PIAS1: variants seen among roughly 807,000 people sequenced by gnomAD.
PIAS1 encodes the protein protein inhibitor of activated STAT 1.
In PIAS1, 6 loss-of-function variants were observed where a neutral mutation model predicts 71.3. The ratio of observed to expected loss-of-function variants is 0.08; its 90% CI spans 0.05 to 0.17. PIAS1 has a LOEUF of 0.17. Among genes scored for constraint, PIAS1 ranks in the 10% least tolerant of loss-of-function variants. PIAS1 has a pLI of 1.00. For synonymous variants in PIAS1, 303 were observed against 292.9 expected, an observed-to-expected ratio of 1.03 and a Z score of -0.35; for missense variants, 555 against 793.6, an observed-to-expected ratio of 0.70 and a Z score of 3.61.
chr15:68,147,350 G>T (rs991750385), intron 6 of PIAS1, among the ~76,000 whole-genome samples: 1 of 151,978 alleles, frequency 6.6e-6, no homozygotes, highest in Non-Finnish European at 1.5e-5. Flanking sequence ...CATTATTACT[G>T]AGATTGAATA....
chr15:68,142,022 T>A lies in PIAS1; in HGVS notation c.546T>A (p.Ser182Arg). The A allele has an allele frequency of 6.3e-7, 1 of 1,596,886 alleles. No individual in the cohort carries two copies. The highest frequency in any genetic ancestry group is 8.6e-7 in the Non-Finnish European group (1 of 1,169,414). ...CACCACAACAAGTGCAGCAAATCAG[T>A]AGTTCCATGTAAGTTGTCGTCAAGT... ...ALTPQQVQQI[S>R]SSMDISGTKC... Residue 182 changes from serine to arginine, a missense_variant, in exon 3 of 14, where the codon AGT becomes AGA. Ser to Arg is a moderately radical substitution (Grantham distance 110). Transcript: ENST00000249636.
At chr15:68,183,806 A>G (rs531887641) in intron 13 of PIAS1, 139 bp downstream of exon 13, 59 of 533,076 alleles carry the variant, frequency 1.1e-4, no homozygotes, top group Admixed American at 1.7e-4. Flanking sequence ...CCCTACATCA[A>G]TTATAGCCAT....
At chr15:68,077,856 T>A (rs2092186068) in intron 1 of PIAS1, among the ~76,000 whole-genome samples, 1 of 152,236 alleles carries the variant, frequency 6.6e-6, no homozygotes, top group African/African-American at 2.4e-5. Context: ...ACCACCCCTC[T>A]AGGACTTTTC....
At chr15:68,103,683 A>G (rs1435561288) in intron 2 of PIAS1, among the ~76,000 whole-genome samples, 1 of 152,196 alleles carries the variant, frequency 6.6e-6, no homozygotes, top group East Asian at 1.9e-4. Context: ...TGTTTTGGAC[A>G]TCTCATATGA....
At chr15:68,069,819 AAAAG>A (rs1316720113) in intron 1 of PIAS1, among the ~76,000 whole-genome samples, 1 of 151,936 alleles carries the variant, frequency 6.6e-6, no homozygotes, top group South Asian at 2.1e-4. Context: ...AAAAAAAAAA[AAAAG>A]AAATTACATT....
In PIAS1 at chr15:68,097,817, C is replaced by A. The variant is rs139429148; in HGVS notation, c.469+11067C>A. Among the ~76,000 whole-genome samples the A allele has an allele frequency of 2.7e-4, 41 of 152,274 alleles. 2 individuals carry two copies. The East Asian group carries it at 3.3e-3, about 12-fold the overall frequency. On this transcript the variant is annotated intron_variant, in intron 2 of 13. Coordinates refer to ENST00000249636, the MANE Select transcript of PIAS1 (RefSeq NM_016166.3). ...TCCCATTATTCTATTAATATGGTGT[C>A]TAACACTGATTGCTTTTCATATATT...
At chr15:68,085,904 C>T (rs542728714) in intron 1 of PIAS1, among the ~76,000 whole-genome samples, 5 of 152,134 alleles carry the variant, frequency 3.3e-5, no homozygotes, top group African/African-American at 4.8e-5. Context: ...TATAATTCTT[C>T]CCCAAGAAAA....
intron 1 of PIAS1, among the ~76,000 whole-genome samples, chr15:68,068,186 G>A (rs1021613935): frequency 2.6e-5 from 4 of 152,056 alleles, no homozygotes; most frequent in Non-Finnish European, 5.9e-5. Flanking sequence ...CAGCCTGGGC[G>A]ATATGACAAA....
At chr15:68,076,404 G>C (rs1339997147) in intron 1 of PIAS1, among the ~76,000 whole-genome samples, 1 of 152,092 alleles carries the variant, frequency 6.6e-6, no homozygotes, top group African/African-American at 2.4e-5. Flanking sequence ...CTACTCGGGA[G>C]GCTGAGGCAG....
chr15:68,067,330 C>T (rs2092040456), intron 1 of PIAS1, among the ~76,000 whole-genome samples: 2 of 152,106 alleles, frequency 1.3e-5, no homozygotes, highest in Admixed American at 6.6e-5. Flanking sequence ...TTAGTATTCC[C>T]CTCTCTAGGC....
chr15:68,068,240 A>G (rs1173526881), intron 1 of PIAS1, among the ~76,000 whole-genome samples: 6 of 152,104 alleles, frequency 3.9e-5, no homozygotes, highest in Non-Finnish European at 5.9e-5. Context: ...TGGCTGAGGC[A>G]TGTGCCTGTG....
At chr15:68,121,840 T>C (rs2092615868) in intron 2 of PIAS1, among the ~76,000 whole-genome samples, 1 of 152,000 alleles carries the variant, frequency 6.6e-6, no homozygotes. Context: ...CTAAAAAACT[T>C]CAAGAGGCTG....
At chr15:68,166,206 T>G (rs2141080108) in intron 8 of PIAS1, among the ~76,000 whole-genome samples, 1 of 152,188 alleles carries the variant, frequency 6.6e-6, no homozygotes, top group East Asian at 1.9e-4. Flanking sequence ...ATAAAGCCAA[T>G]TTTTTTCTTG....
In PIAS1 at chr15:68,189,382, C is replaced by T. The variant is rs1212971736; in HGVS notation, c.*1547C>T. 6.6e-6 allele frequency: 1 copy of T among 152,038 alleles called. No homozygotes were observed. Among genetic ancestry groups the T allele is most frequent in the Non-Finnish European group, 1.5e-5 (1 of 67,992 alleles). The allele number at this position is 152,038 out of a possible 1,614,324, so 9.4% of individuals were successfully genotyped here. On this transcript the variant is annotated 3_prime_UTR_variant, in exon 14 of 14. Coordinates refer to ENST00000249636, the MANE Select transcript of PIAS1 (RefSeq NM_016166.3). ...GGTTTTCCAGACTGGATTTTCCTAC[C>T]GCAACTATTAATGTTCTCAGAGTTG... is the stretch of plus-strand genomic sequence containing the variant.
At chr15:68,137,710 A>C in intron 2 of PIAS1, among the ~76,000 whole-genome samples, 1 of 152,222 alleles carries the variant, frequency 6.6e-6, no homozygotes, top group East Asian at 1.9e-4. Context: ...CATCTGAAAA[A>C]TGGTCTGATA....
Position 68,185,981 on chromosome 15 carries a change from A to C in PIAS1, c.1663-1561A>C, listed in dbSNP as rs998512896. Among the ~76,000 whole-genome samples the C allele has an allele frequency of 1.3e-5, 2 of 149,482 alleles. No homozygotes were observed. Among genetic ancestry groups the C allele is most frequent in the African/African-American group, 4.9e-5 (2 of 40,536 alleles). On this transcript the variant is annotated intron_variant, in intron 13 of 13. Coordinates refer to ENST00000249636, the MANE Select transcript of PIAS1 (RefSeq NM_016166.3). This position sits in a 1 kb window ranked among gnomAD's most constrained non-coding sequence, Gnocchi z 4.4. ...ACTCCATCTCAAAAACAAAACAAACAAAAAAAACATGGGCCCTAACAATGA... is the reference window on the plus strand; with the variant it reads ...ACTCCATCTCAAAAACAAAACAAACCAAAAAAACATGGGCCCTAACAATGA...
chr15:68,152,514 A>T (rs978641990), intron 6 of PIAS1, among the ~76,000 whole-genome samples: 1 of 152,212 alleles, frequency 6.6e-6, no homozygotes, highest in African/African-American at 2.4e-5. Flanking sequence ...GTCATCAAGC[A>T]GTTGCCTAAT....
intron 1 of PIAS1, among the ~76,000 whole-genome samples, chr15:68,082,763 A>G (rs2092240423): frequency 6.6e-6 from 1 of 152,088 alleles, no homozygotes; most frequent in South Asian, 2.1e-4. Flanking sequence ...AGCTGCATAG[A>G]CCTACTACAT....
At position 68,110,467 on chromosome 15, in the gene PIAS1, G is replaced by A. The variant is rs141758139; in HGVS notation, c.469+23717G>A. 1.4e-3 allele frequency among the ~76,000 whole-genome samples: 210 copies of A among 152,096 alleles called. 5 individuals are homozygous for A. In the East Asian group the frequency reaches 0.029, roughly 21 times the overall value. ...AAAAATTAGCCCGGTGTGGTGGCGG[G>A]TGCCTGTAATCCCAGCTACTCAGGA... On this transcript the variant is annotated intron_variant, in intron 2 of 13. Coordinates refer to ENST00000249636, the MANE Select transcript of PIAS1 (RefSeq NM_016166.3).
Sources: allele counts gnomAD v4.1 joint callset (sites outside exome capture counted in the v4.1 genomes callset), GRCh38; gene constraint gnomAD v4.1.1; non-coding constraint Gnocchi (gnomAD v3.1); transcripts MANE v1.5; gene names NCBI Gene and HGNC (gene_info 2026-07-23, HGNC 2026-07-21).